The following GRM7 variants were observed in gnomAD, a reference collection of about 807,000 sequenced individuals.
GRM7 encodes the protein metabotropic glutamate receptor 7.
GRM7 carries 35 observed loss-of-function variants against 84.5 expected under a neutral mutation model. That is an observed-to-expected ratio of 0.41 (90% CI 0.32 to 0.55). The LOEUF (loss-of-function observed/expected upper bound fraction) is 0.55. GRM7 is among the 20% of genes least tolerant of loss of function. The pLI is 0.19. For missense variants in GRM7, 1,003 were observed against 1,194.6 expected, an observed-to-expected ratio of 0.84 and a Z score of 2.36; for synonymous variants, 487 against 455.1, an observed-to-expected ratio of 1.07 and a Z score of -0.89.
intron 4 of GRM7, among the ~76,000 whole-genome samples, chr3:7,392,701 C>T (rs1430658999): frequency 6.6e-6 from 1 of 152,164 alleles, no homozygotes; most frequent in African/African-American, 2.4e-5. Flanking sequence ...TGAGTGGTGG[C>T]TGCATCTGTG....
Position 6,894,380 on chromosome 3 carries a change from C to G in GRM7, c.519+32473C>G, listed in dbSNP as rs558101220. Among the ~76,000 whole-genome samples, 32 of 152,154 alleles carry G rather than the reference C, an allele frequency of 2.1e-4. 1 individual carries two copies. Among genetic ancestry groups the G allele is most frequent in the African/African-American group, 7.2e-4 (30 of 41,546 alleles). ...ATCAAATGTACTGCAATAATGAAAG[C>G]AAATCCCACTTCTAGCTAATGAAAC... On this transcript the variant is annotated intron_variant, in intron 1 of 9. Transcript: ENST00000357716.
chr3:7,503,224 A>T (rs1201865549), intron 7 of GRM7, among the ~76,000 whole-genome samples: 1 of 152,184 alleles, frequency 6.6e-6, no homozygotes. Flanking sequence ...ATTGAAAATT[A>T]AAAATTCCTG....
intron 1 of GRM7, among the ~76,000 whole-genome samples, chr3:6,927,610 A>G (rs1431211555): frequency 1.3e-5 from 2 of 152,292 alleles, no homozygotes; most frequent in Non-Finnish European, 2.9e-5. Flanking sequence ...GAGAGAATAA[A>G]TATCATCATT....
chr3:7,109,051 T>C (rs531552101), intron 1 of GRM7, among the ~76,000 whole-genome samples: 4 of 152,082 alleles, frequency 2.6e-5, no homozygotes, highest in Non-Finnish European at 5.9e-5. Context: ...TCTGAGTAAA[T>C]AGAATCCTCA....
At chr3:7,234,409 C>T (rs1383548020) in intron 2 of GRM7, among the ~76,000 whole-genome samples, 1 of 152,134 alleles carries the variant, frequency 6.6e-6, no homozygotes, top group Non-Finnish European at 1.5e-5. Flanking sequence ...AGTTACTTCC[C>T]TCTCCTGGGC....
intron 4 of GRM7, among the ~76,000 whole-genome samples, chr3:7,322,573 C>T (rs1700825598): frequency 6.6e-6 from 1 of 151,842 alleles, no homozygotes; most frequent in Admixed American, 6.6e-5. Context: ...TCCCCCACCC[C>T]AGTCCCCAAA....
chr3:7,677,262 T>TAAAAAAA (rs557488794), intron 8 of GRM7, among the ~76,000 whole-genome samples: 10 of 36,980 alleles, frequency 2.7e-4, no homozygotes, highest in East Asian at 1.9e-3. Context: ...ACTCTGTCTT[T>TAAAAAAA]AAAAAAAAAA....
intron 2 of GRM7, among the ~76,000 whole-genome samples, chr3:7,254,211 G>C (rs766381882): frequency 1.3e-5 from 2 of 152,292 alleles, no homozygotes; most frequent in East Asian, 3.9e-4. Flanking sequence ...CAAAGGCCCC[G>C]TGCTTGGTTT....
At chr3:7,490,065 T>A (rs1178032332) in intron 7 of GRM7, among the ~76,000 whole-genome samples, 7 of 152,052 alleles carry the variant, frequency 4.6e-5, no homozygotes, top group Admixed American at 4.6e-4. Flanking sequence ...TCTCGAACAC[T>A]TATACAATTA....
At chr3:7,051,454 T>A (rs1696995794) in intron 1 of GRM7, among the ~76,000 whole-genome samples, 2 of 151,792 alleles carry the variant, frequency 1.3e-5, no homozygotes, top group Admixed American at 1.3e-4. Context: ...ATGAGAACCA[T>A]CACTTCTGTC....
At chr3:7,469,899 ACAG>A (rs1698627805) in intron 7 of GRM7, among the ~76,000 whole-genome samples, 1 of 152,252 alleles carries the variant, frequency 6.6e-6, no homozygotes, top group Non-Finnish European at 1.5e-5. Context: ...CTGATTACAG[ACAG>A]CAGGTGTGGT....
Position 7,349,364 on chromosome 3 carries a change from T to C in GRM7, c.1033+42712T>C, listed in dbSNP as rs574017935. On this transcript the variant is annotated intron_variant, in intron 4 of 9. Transcript: ENST00000357716. Reference sequence around the variant, plus strand: ...TATTAGCATAAAGTGGCCCAGCTGATGGGCTTGTCATGCAGAACTCAGGAT... The same window carrying C: ...TATTAGCATAAAGTGGCCCAGCTGACGGGCTTGTCATGCAGAACTCAGGAT... 2.0e-5 allele frequency among the ~76,000 whole-genome samples: 3 copies of C among 152,248 alleles called. No individual in the cohort carries two copies. In the East Asian group the frequency reaches 5.8e-4, roughly 29 times the overall value.
At chr3:6,897,111 T>C (rs181591032) in intron 1 of GRM7, among the ~76,000 whole-genome samples, 40 of 152,308 alleles carry the variant, frequency 2.6e-4, no homozygotes, top group Admixed American at 1.1e-3. Context: ...TGCCAACATA[T>C]AGACAATAAT....
At chr3:7,692,249 G>A (rs1559490749) in intron 9 of GRM7, among the ~76,000 whole-genome samples, 1 of 152,144 alleles carries the variant, frequency 6.6e-6, no homozygotes, top group Non-Finnish European at 1.5e-5. Context: ...ACCACTACAT[G>A]TGATTAACTT....
intron 7 of GRM7, among the ~76,000 whole-genome samples, chr3:7,536,664 A>G (rs547326392): frequency 2.2e-4 from 33 of 152,296 alleles, no homozygotes; most frequent in African/African-American, 7.2e-4. Context: ...GGGGCAGCCA[A>G]CTGCCATTGA....
chr3:7,036,255 G>A (rs1206557448), intron 1 of GRM7, among the ~76,000 whole-genome samples: 1 of 152,152 alleles, frequency 6.6e-6, no homozygotes, highest in African/African-American at 2.4e-5. Context: ...TTTGAAGTAG[G>A]TTGAAGAAAA....
At chr3:7,040,594 C>T (rs1057347934) in intron 1 of GRM7, among the ~76,000 whole-genome samples, 5 of 151,968 alleles carry the variant, frequency 3.3e-5, no homozygotes, top group African/African-American at 1.2e-4. Flanking sequence ...TGAGCCACCA[C>T]ACCTGGCCTG....
chr3:7,351,336 G>A (rs1009591489), intron 4 of GRM7, among the ~76,000 whole-genome samples: 27 of 98,878 alleles, frequency 2.7e-4, no homozygotes, highest in Non-Finnish European at 1.0e-4. Context: ...TATTCCCACA[G>A]GCGAAAAAAA....
intron 7 of GRM7, among the ~76,000 whole-genome samples, chr3:7,469,908 G>T (rs1263831264): frequency 2.6e-5 from 4 of 152,176 alleles, no homozygotes; most frequent in African/African-American, 9.7e-5. Flanking sequence ...GACAGCAGGT[G>T]TGGTTCAAAA....
Sources: gnomAD v4.1 joint callset for allele counts (sites outside exome capture counted in the v4.1 genomes callset) on GRCh38, gnomAD v4.1.1 for gene constraint, MANE v1.5 for transcripts, NCBI Gene and HGNC (gene_info 2026-07-23, HGNC 2026-07-21) for gene names.